Variants in ARHGAP39 observed in about 807,000 individuals in gnomAD.
ARHGAP39 encodes the protein rho GTPase-activating protein 39.
In ARHGAP39, 44 loss-of-function variants were observed where a neutral mutation model predicts 106.9. That is an observed-to-expected ratio of 0.41 (90% confidence interval 0.32 to 0.53). The LOEUF (loss-of-function observed/expected upper bound fraction) is 0.53, where lower values mean the gene tolerates loss of function less well. ARHGAP39 is among the 20% of genes least tolerant of loss of function. ARHGAP39 has a pLI of 0.21. For synonymous variants in ARHGAP39, 768 were observed against 693.2 expected, an observed-to-expected ratio of 1.11 and a Z score of -1.69; for missense variants, 1,496 against 1,577.3, an observed-to-expected ratio of 0.95 and a Z score of 0.87.
chr8:144,694,780 G>GT, the ARHGAP39 span, among the ~76,000 whole-genome samples: 1 of 152,172 alleles, frequency 6.6e-6, no homozygotes, highest in Non-Finnish European at 1.5e-5. Context: ...GGTGGCAGCT[G>GT]TTTCACTGAT....
rs1261520576 is a variant in ARHGAP39, at chr8:144,644,294, AAAAG to A, written c.-81-38603_-81-38600del. ...CCCTGGAGAAAGTGTTTTAAAAAAC[AAAAG>A]AAAGCAGGCAACAAAGTCAGACACA... On this transcript the variant is annotated intron_variant, in intron 1 of 11. Coordinates refer to ENST00000377307, the MANE Select transcript of ARHGAP39 (RefSeq NM_025251.3). This position sits in a 1 kb window ranked among gnomAD's most constrained non-coding sequence, Gnocchi z 4.8. Among the ~76,000 whole-genome samples the A allele has an allele frequency of 6.6e-6, 1 of 152,206 alleles. No individual in the cohort carries two copies. The highest frequency in any genetic ancestry group is 2.4e-5 in the African/African-American group (1 of 41,440).
chr8:144,643,776 G>A (rs1440638437), intron 1 of ARHGAP39, among the ~76,000 whole-genome samples: 4 of 152,278 alleles, frequency 2.6e-5, no homozygotes, highest in South Asian at 2.1e-4. Context: ...GATTACATGC[G>A]TAACCACCAT....
At chr8:144,659,189 A>C (rs1252875965) in intron 1 of ARHGAP39, among the ~76,000 whole-genome samples, 1 of 152,202 alleles carries the variant, frequency 6.6e-6, no homozygotes, top group African/African-American at 2.4e-5. Context: ...ATACACTGTA[A>C]AGGACATAAT....
intron 2 of ARHGAP39, among the ~76,000 whole-genome samples, chr8:144,600,923 CCT>C (rs1491251293): frequency 7.4e-6 from 1 of 134,632 alleles, no homozygotes; most frequent in South Asian, 2.4e-4. Context: ...AGCTCATGTA[CCT>C]GTGTGTGTGT....
At chr8:144,583,191 CG>C (rs1819062315) in intron 2 of ARHGAP39, among the ~76,000 whole-genome samples, 1 of 152,168 alleles carries the variant, frequency 6.6e-6, no homozygotes, top group Non-Finnish European at 1.5e-5. Flanking sequence ...TCGCTCCTGA[CG>C]AACAAATCTA....
chr8:144,615,058 C>A (rs185273163), intron 1 of ARHGAP39, among the ~76,000 whole-genome samples: 1 of 152,258 alleles, frequency 6.6e-6, no homozygotes, highest in Non-Finnish European at 1.5e-5. Flanking sequence ...CAGAGGCTCA[C>A]GCCTATAATC....
At chr8:144,533,524 T>C (rs184937917) in intron 8 of ARHGAP39, among the ~76,000 whole-genome samples, 199 bp from the exon 9 acceptor site, 250 of 152,064 alleles carry the variant, frequency 1.6e-3, no homozygotes, top group Non-Finnish European at 2.8e-3. Flanking sequence ...AAACCCTAAC[T>C]CCTCCTGGGC....
rs1277135072 is a variant in ARHGAP39 at position 144,532,377 on chromosome 8, C to T, written c.2908G>A (p.Glu970Lys). The change falls in exon 10 of 12, where the codon GAG (glutamate) becomes AAG (lysine). Residue 970 changes from glutamate to lysine, a missense_variant. Physicochemically the swap from Glu to Lys is moderately conservative, Grantham distance 56 (BLOSUM62 1). Coordinates refer to ENST00000377307, the MANE Select transcript of ARHGAP39 (RefSeq NM_025251.3). ...ACCTGCAGCTTCAGGGCATTCACCT[C>T]GTCAATGTCCCCAGGGACCCTGCAG... ...GIFRVPGDIDEVNALKLQVDQ... is the reference protein window; with the variant it reads ...GIFRVPGDIDKVNALKLQVDQ... The T allele has an allele frequency of 5.6e-6, 9 of 1,607,060 alleles. No individual in the cohort carries two copies. The highest frequency in any genetic ancestry group is 6.8e-6 in the Non-Finnish European group (8 of 1,177,328).
At chr8:144,654,200 G>C (rs924634037) in intron 1 of ARHGAP39, among the ~76,000 whole-genome samples, 1 of 152,142 alleles carries the variant, frequency 6.6e-6, no homozygotes, top group Non-Finnish European at 1.5e-5. Context: ...AAAAAATAAT[G>C]GTCAAAATTT....
rs1179969796 is a variant in ARHGAP39, at chr8:144,679,665, G to A, written c.-82+6021C>T. 5.9e-5 allele frequency among the ~76,000 whole-genome samples: 9 copies of A among 152,138 alleles called. No homozygotes were observed. Among genetic ancestry groups the A allele is most frequent in the African/African-American group, 1.2e-4 (5 of 41,426 alleles). ...ATCCCCTGCTCACAAAGCTGCCTGC[G>A]GTGGCTCCCGGTTAGCTAGAAAATT... On this transcript the variant is annotated intron_variant, in intron 1 of 11. Coordinates refer to ENST00000377307, the MANE Select transcript of ARHGAP39 (RefSeq NM_025251.3). The surrounding 1 kb of genome is among the most constrained non-coding windows in gnomAD (Gnocchi z 4.7).
chr8:144,576,323 A>G (rs1239855669), intron 3 of ARHGAP39, among the ~76,000 whole-genome samples: 3 of 122,056 alleles, frequency 2.5e-5, no homozygotes, highest in Admixed American at 1.0e-4. Flanking sequence ...ACAGAGTGAG[A>G]CTCCGTCTCA....
chr8:144,592,489 T>C (rs1254374784), intron 2 of ARHGAP39, among the ~76,000 whole-genome samples: 2 of 103,624 alleles, frequency 1.9e-5, no homozygotes, highest in African/African-American at 8.4e-5. Context: ...GGGACAGCAC[T>C]GAGCCCAGAC....
chr8:144,547,214 C>T lies in ARHGAP39; in HGVS notation c.1872G>A (p.Lys624=), dbSNP rs770530757. 2 of 1,612,540 alleles carry T rather than the reference C, an allele frequency of 1.2e-6. No homozygotes were observed. The highest frequency in any genetic ancestry group is 1.7e-6 in the Non-Finnish European group (2 of 1,179,772). ...CCAGCAGGATCTGGGGGAAGCCTAGCTTCTCGAAGGTGCCCCTCCTCCAGT... is the reference window on the plus strand; with the variant it reads ...CCAGCAGGATCTGGGGGAAGCCTAGTTTCTCGAAGGTGCCCCTCCTCCAGT... ...NRHWRRGTFE[K]LGFPQILLEK... The change falls in exon 5 of 12, where the codon AAG becomes AAA. Residue 624 remains lysine, a synonymous_variant. Transcript: ENST00000377307. The surrounding 1 kb of genome is among the most constrained non-coding windows in gnomAD (Gnocchi z 5.2).
intron 3 of ARHGAP39, among the ~76,000 whole-genome samples, chr8:144,580,193 C>T (rs1382455346): frequency 2.0e-5 from 3 of 152,082 alleles, no homozygotes; most frequent in Admixed American, 6.5e-5. Flanking sequence ...TGTGCTCCTT[C>T]GGAGCCACTG....
chr8:144,695,570 CTGTT>C, the ARHGAP39 span, among the ~76,000 whole-genome samples: 2 of 152,150 alleles, frequency 1.3e-5, no homozygotes, highest in African/African-American at 4.8e-5. Flanking sequence ...AATTAAGAGT[CTGTT>C]TATTTAGCCA....
chr8:144,692,193 C>T, the ARHGAP39 span, among the ~76,000 whole-genome samples: 1 of 152,206 alleles, frequency 6.6e-6, no homozygotes, highest in East Asian at 1.9e-4. Flanking sequence ...TCTCTTTCCC[C>T]CTCCCTCTCT....
intron 1 of ARHGAP39, among the ~76,000 whole-genome samples, chr8:144,652,459 T>C (rs1220223650): frequency 6.6e-6 from 1 of 152,118 alleles, no homozygotes; most frequent in African/African-American, 2.4e-5. Flanking sequence ...TACATGCACA[T>C]GAATGTTCAC....
intron 7 of ARHGAP39, among the ~76,000 whole-genome samples, chr8:144,534,430 C>T (rs1816870036): frequency 6.6e-6 from 1 of 152,200 alleles, no homozygotes; most frequent in Non-Finnish European, 1.5e-5. Context: ...TTGGGAGGAA[C>T]CGCCTGGCAG....
In ARHGAP39 at chr8:144,533,083, T is replaced by C. The variant is rs2620641; in HGVS notation, c.2888+43A>G. On this transcript the variant is annotated intron_variant, in intron 9 of 11. Coordinates refer to ENST00000377307, the MANE Select transcript of ARHGAP39 (RefSeq NM_025251.3). ...ATGCCACAGATGCATGGTGGACACA[T>C]GGCTGTGGCCCCCACACCCGGCGCC... is the stretch of plus-strand genomic sequence containing the variant. 0.024 allele frequency: 38,339 copies of C among 1,574,692 alleles called. 6,064 individuals carry two copies. In the African/African-American group the frequency reaches 0.39, roughly 16 times the overall value.
Sources: gnomAD v4.1 joint callset for allele counts (sites outside exome capture counted in the v4.1 genomes callset) on GRCh38, gnomAD v4.1.1 for gene constraint, Gnocchi (gnomAD v3.1) non-coding constraint, MANE v1.5 for transcripts, NCBI Gene and HGNC (gene_info 2026-07-23, HGNC 2026-07-21) for gene names.